Variants in KCNK9 observed in about 807,000 individuals in gnomAD.
KCNK9 encodes the protein potassium two pore domain channel subfamily K member 9, also known as potassium channel subfamily K member 9.
KCNK9 carries 1 observed loss-of-function variant against 10.8 expected under a neutral mutation model. The observed-to-expected ratio is 0.09, with a 90% CI of 0.03 to 0.44. The LOEUF is 0.44. KCNK9 is among the 20% of genes least tolerant of loss of function. The pLI, the probability that KCNK9 is intolerant of heterozygous loss-of-function variation, is 0.97. For missense variants in KCNK9, 303 were observed against 515.0 expected, an observed-to-expected ratio of 0.59 and a Z score of 3.98; for synonymous variants, 231 against 222.7, an observed-to-expected ratio of 1.04 and a Z score of -0.33.
At chr8:139,654,851 C>T (rs928344958) in intron 1 of KCNK9, among the ~76,000 whole-genome samples, 1 of 152,080 alleles carries the variant, frequency 6.6e-6, no homozygotes, top group Non-Finnish European at 1.5e-5. Context: ...CCGCTGGGGC[C>T]AGAGGATGGC....
At chr8:139,637,874 T>C (rs1050152155) in intron 1 of KCNK9, among the ~76,000 whole-genome samples, 1 of 151,682 alleles carries the variant, frequency 6.6e-6, no homozygotes, top group South Asian at 2.1e-4. Context: ...CCCTGGGCAC[T>C]CCCCACACTT....
At chr8:139,700,867 T>C (rs1356857818) in intron 1 of KCNK9, among the ~76,000 whole-genome samples, 1 of 152,156 alleles carries the variant, frequency 6.6e-6, no homozygotes, top group African/African-American at 2.4e-5. Context: ...ATTTCAGAGT[T>C]TGCTTTTAAC....
chr8:139,670,001 C>G (rs1218419535), intron 1 of KCNK9, among the ~76,000 whole-genome samples: 1 of 152,196 alleles, frequency 6.6e-6, no homozygotes, highest in Non-Finnish European at 1.5e-5. Flanking sequence ...AATGAGCAGT[C>G]ATATTTTGAA....
chr8:139,689,032 C>T (rs375519666), intron 1 of KCNK9, among the ~76,000 whole-genome samples: 8 of 152,104 alleles, frequency 5.3e-5, no homozygotes, highest in African/African-American at 1.7e-4. Flanking sequence ...TCCAATCTAA[C>T]TGGTGTCCTT....
intron 1 of KCNK9, among the ~76,000 whole-genome samples, chr8:139,699,108 C>A (rs901260435): frequency 6.6e-6 from 1 of 152,164 alleles, no homozygotes; most frequent in African/African-American, 2.4e-5. Context: ...TCAAATTGTC[C>A]TCTACACTCT....
intron 1 of KCNK9, among the ~76,000 whole-genome samples, chr8:139,646,443 G>A (rs532352299): frequency 2.4e-4 from 36 of 152,340 alleles, no homozygotes; most frequent in South Asian, 1.7e-3. Flanking sequence ...AGATTCTAGC[G>A]GCCAGGTCAG....
In KCNK9 at chr8:139,620,599, T is replaced by G. The variant is rs1031480940; in HGVS notation, c.284-1500A>C. Reference sequence around the variant, plus strand: ...CATTGCCTGTGGCTCAGTCTGTCTGTCTCCGGTGGTGTGAATATGTGCCAT... The same window carrying G: ...CATTGCCTGTGGCTCAGTCTGTCTGGCTCCGGTGGTGTGAATATGTGCCAT... On this transcript the variant is annotated intron_variant, in intron 1 of 1. Coordinates refer to ENST00000520439, the MANE Select transcript of KCNK9 (RefSeq NM_001282534.2). Among the ~76,000 whole-genome samples, 59 of 152,180 alleles carry G rather than the reference T, an allele frequency of 3.9e-4. No homozygotes were observed. The Middle Eastern group carries it at 0.01, about 26-fold the overall frequency.
At chr8:139,660,137 C>G (rs564664682) in intron 1 of KCNK9, among the ~76,000 whole-genome samples, 5 of 152,022 alleles carry the variant, frequency 3.3e-5, no homozygotes, top group Admixed American at 6.6e-5. Flanking sequence ...TCTGTGACCT[C>G]GGGCACATTT....
At chr8:139,644,101 T>C (rs1359324355) in intron 1 of KCNK9, among the ~76,000 whole-genome samples, 1 of 152,202 alleles carries the variant, frequency 6.6e-6, no homozygotes, top group African/African-American at 2.4e-5. Context: ...CTCAAGCCCA[T>C]TGCAGGAAGG....
chr8:139,611,108 A>T (rs1252799262), downstream of KCNK9, among the ~76,000 whole-genome samples: 3 of 152,228 alleles, frequency 2.0e-5, no homozygotes, highest in Non-Finnish European at 4.4e-5. Flanking sequence ...TTTGATTTCA[A>T]GTCCAATGCC....
At chr8:139,660,437 C>T (rs1360455327) in intron 1 of KCNK9, among the ~76,000 whole-genome samples, 1 of 115,026 alleles carries the variant, frequency 8.7e-6, no homozygotes, top group Non-Finnish European at 1.6e-5. Flanking sequence ...AAACCCGTCT[C>T]TGCTAAAAAA....
chr8:139,616,471 G>C (rs183819899), downstream of KCNK9: 1 of 152,336 alleles, frequency 6.6e-6, no homozygotes, highest in African/African-American at 2.4e-5. Flanking sequence ...GGACGAAGGG[G>C]AAATTTCAAC....
chr8:139,609,106 A>ACCCCATCTCG (rs74962235), downstream of KCNK9, among the ~76,000 whole-genome samples: 893 of 123,942 alleles, frequency 7.2e-3, 14 homozygotes, highest in Admixed American at 0.015. Flanking sequence ...GACCCATCCC[A>ACCCCATCTCG]CCCCACCCCG....
chr8:139,610,038 C>T (rs1462279505), downstream of KCNK9, among the ~76,000 whole-genome samples: 1 of 152,176 alleles, frequency 6.6e-6, no homozygotes, highest in Non-Finnish European at 1.5e-5. Context: ...TGACTTCTTT[C>T]CTGTACATCA....
intron 1 of KCNK9, among the ~76,000 whole-genome samples, chr8:139,647,109 A>C (rs1290769975): frequency 6.6e-6 from 1 of 152,230 alleles, no homozygotes; most frequent in Non-Finnish European, 1.5e-5. Flanking sequence ...GCTGGAAGGC[A>C]GGAGCAGAGA....
downstream of KCNK9, among the ~76,000 whole-genome samples, chr8:139,613,674 G>A (rs1262839110): frequency 6.6e-6 from 1 of 152,206 alleles, no homozygotes; most frequent in East Asian, 1.9e-4. Flanking sequence ...TGTTGATGGG[G>A]AAGCCCCAGA....
At chr8:139,636,305 C>T (rs969936592) in intron 1 of KCNK9, among the ~76,000 whole-genome samples, 4 of 152,216 alleles carry the variant, frequency 2.6e-5, no homozygotes, top group Non-Finnish European at 5.9e-5. Flanking sequence ...ACTGAGATGC[C>T]CGCCCTCTTC....
intron 1 of KCNK9, among the ~76,000 whole-genome samples, chr8:139,661,825 A>C (rs1192122143): frequency 6.6e-6 from 1 of 152,168 alleles, no homozygotes; most frequent in African/African-American, 2.4e-5. Context: ...AAAGGGGACC[A>C]TTTGACCCAC....
At chr8:139,656,511 G>C (rs1054809233) in intron 1 of KCNK9, among the ~76,000 whole-genome samples, 1 of 152,226 alleles carries the variant, frequency 6.6e-6, no homozygotes, top group South Asian at 2.1e-4. Context: ...CCCGCCAGGT[G>C]CAGACAGATG....
Sources: gnomAD v4.1 joint callset for allele counts (sites outside exome capture counted in the v4.1 genomes callset) on GRCh38, gnomAD v4.1.1 for gene constraint, MANE v1.5 for transcripts, NCBI Gene and HGNC (gene_info 2026-07-23, HGNC 2026-07-21) for gene names.